Variants in CTNNA3 observed in about 807,000 individuals in gnomAD.
CTNNA3 encodes catenin alpha 3, also known as catenin alpha-3.
A neutral mutation model predicts 95.7 loss-of-function variants in CTNNA3; 76 were observed. That is an observed-to-expected ratio of 0.79 (90% confidence interval 0.66 to 0.96). The LOEUF (loss-of-function observed/expected upper bound fraction) is 0.96. Ranked by LOEUF, CTNNA3 falls within the 40% of genes least tolerant of loss-of-function variation. CTNNA3 has a pLI of 0.00. For synonymous variants in CTNNA3, 431 were observed against 374.4 expected, an observed-to-expected ratio of 1.15 and a Z score of -1.74; for missense variants, 1,191 against 1,089.8, an observed-to-expected ratio of 1.09 and a Z score of -1.31.
chr10:66,206,091 A>G (rs1163357767), intron 13 of CTNNA3, among the ~76,000 whole-genome samples: 1 of 151,950 alleles, frequency 6.6e-6, no homozygotes, highest in African/African-American at 2.4e-5. Context: ...AATATTACTT[A>G]GAAGTGAGAA....
intron 6 of CTNNA3, among the ~76,000 whole-genome samples, chr10:67,183,275 A>T (rs191471113): frequency 1.8e-3 from 281 of 152,318 alleles, no homozygotes; most frequent in South Asian, 5.4e-3. Flanking sequence ...AATAGCAAAG[A>T]CGTGGAACCA....
chr10:66,816,731 C>T (rs1169180176), intron 7 of CTNNA3, among the ~76,000 whole-genome samples: 4 of 152,006 alleles, frequency 2.6e-5, no homozygotes, highest in Non-Finnish European at 5.9e-5. Context: ...GTACATTCTT[C>T]CCAAATTCAC....
intron 12 of CTNNA3, among the ~76,000 whole-genome samples, chr10:66,305,645 G>A (rs1564853164): frequency 6.6e-6 from 1 of 152,146 alleles, no homozygotes; most frequent in Non-Finnish European, 1.5e-5. Context: ...AGACAGTTTA[G>A]GTGTTGCCTG....
At chr10:67,371,102 T>C (rs910757905) in intron 5 of CTNNA3, among the ~76,000 whole-genome samples, 1 of 151,396 alleles carries the variant, frequency 6.6e-6, no homozygotes, top group African/African-American at 2.4e-5. Context: ...TCCTGACCTC[T>C]TGATCCGCCC....
intron 1 of CTNNA3, among the ~76,000 whole-genome samples, chr10:67,730,637 C>T (rs1160845775): frequency 3.3e-5 from 5 of 151,122 alleles, no homozygotes; most frequent in African/African-American, 1.2e-4. Flanking sequence ...AGGATAGAGG[C>T]TCTAAGAAGG....
chr10:66,631,745 T>C (rs796363604), intron 9 of CTNNA3, among the ~76,000 whole-genome samples: 1 of 136,930 alleles, frequency 7.3e-6, no homozygotes, highest in South Asian at 2.4e-4. Context: ...AAGGTTCTAG[T>C]AAATCTAAAT....
intron 16 of CTNNA3, among the ~76,000 whole-genome samples, chr10:65,968,725 G>A (rs796911431): frequency 8.5e-5 from 13 of 152,352 alleles, no homozygotes; most frequent in African/African-American, 3.1e-4. Flanking sequence ...TGCCTAGGCA[G>A]ATCACCCAGC....
chr10:67,293,402 TC>T (rs1415421885), intron 5 of CTNNA3, among the ~76,000 whole-genome samples: 1 of 152,204 alleles, frequency 6.6e-6, no homozygotes, highest in Non-Finnish European at 1.5e-5. Context: ...GGTATACAAT[TC>T]CTTACTAGAC....
At chr10:67,639,743 C>T (rs1195015365) in intron 2 of CTNNA3, among the ~76,000 whole-genome samples, 1 of 152,074 alleles carries the variant, frequency 6.6e-6, no homozygotes, top group Non-Finnish European at 1.5e-5. Context: ...TAAACAGAAC[C>T]AACGACAAAA....
chr10:66,471,981 G>A (rs184358453), intron 11 of CTNNA3, among the ~76,000 whole-genome samples: 14 of 152,024 alleles, frequency 9.2e-5, no homozygotes, highest in South Asian at 6.2e-4. Flanking sequence ...TCACACTGAC[G>A]TGTGTAAAAG....
At chr10:67,515,558 G>A (rs1398600846) in intron 5 of CTNNA3, among the ~76,000 whole-genome samples, 1 of 152,160 alleles carries the variant, frequency 6.6e-6, no homozygotes, top group Non-Finnish European at 1.5e-5. Flanking sequence ...TTTAAATGAT[G>A]TCTGAAATGC....
At chr10:66,985,047 T>C (rs889208636) in intron 7 of CTNNA3, among the ~76,000 whole-genome samples, 1 of 152,220 alleles carries the variant, frequency 6.6e-6, no homozygotes, top group African/African-American at 2.4e-5. Context: ...TCCCTGCCTT[T>C]GTTTCTTTGT....
At chr10:66,083,914 T>C (rs916484250) in intron 14 of CTNNA3, among the ~76,000 whole-genome samples, 2 of 152,036 alleles carry the variant, frequency 1.3e-5, no homozygotes, top group African/African-American at 4.8e-5. Context: ...GGCAGGTGGA[T>C]TACCTAAGGT....
intron 3 of CTNNA3, among the ~76,000 whole-genome samples, chr10:67,590,262 G>A (rs1410133803): frequency 6.6e-6 from 1 of 152,054 alleles, no homozygotes; most frequent in East Asian, 1.9e-4. Context: ...AAAGGGACAG[G>A]CCATGTGTGT....
At chr10:66,144,158 C>A (rs2083757171) in intron 13 of CTNNA3, among the ~76,000 whole-genome samples, 1 of 152,116 alleles carries the variant, frequency 6.6e-6, no homozygotes. Flanking sequence ...TCTCTAAAAT[C>A]TCTTCTTACA....
chr10:67,462,764 G>A (rs1295741566), intron 5 of CTNNA3, among the ~76,000 whole-genome samples: 1 of 152,162 alleles, frequency 6.6e-6, no homozygotes, highest in Non-Finnish European at 1.5e-5. Flanking sequence ...TTATACCTGT[G>A]TTCAAATCCT....
chr10:66,737,396 T>C (rs1050916722), intron 9 of CTNNA3, among the ~76,000 whole-genome samples: 2 of 152,192 alleles, frequency 1.3e-5, no homozygotes, highest in East Asian at 1.9e-4. Flanking sequence ...ACTGTATATA[T>C]GTTATTTAAT....
At chr10:66,107,097 GATTCTCAGGGATGATGGAA>G (rs2081943728) in intron 13 of CTNNA3, among the ~76,000 whole-genome samples, 1 of 152,120 alleles carries the variant, frequency 6.6e-6, no homozygotes, top group Non-Finnish European at 1.5e-5. Flanking sequence ...ACTCTAGCAT[GATTCTCAGGGATGATGGAA>G]ATAATTTGTC....
In CTNNA3 at chr10:66,500,885, A is replaced by G. The variant is rs1307558802; in HGVS notation, c.1531+19732T>C. Among the ~76,000 whole-genome samples the G allele has an allele frequency of 2.0e-5, 3 of 152,124 alleles. 1 individual carries two copies. The highest frequency in any genetic ancestry group is 4.4e-5 in the Non-Finnish European group (3 of 68,002). On this transcript the variant is annotated intron_variant, in intron 11 of 17. Coordinates refer to ENST00000433211, the MANE Select transcript of CTNNA3 (RefSeq NM_013266.4). ...GATGTCAGTGAATATTTTAAAATTA[A>G]TATTTATAATTAAGACAGATTTTAT...
Sources: allele counts gnomAD v4.1 joint callset (sites outside exome capture counted in the v4.1 genomes callset), GRCh38; gene constraint gnomAD v4.1.1; transcripts MANE v1.5; gene names NCBI Gene and HGNC (gene_info 2026-07-23, HGNC 2026-07-21).